Variants in RFX3 observed in about 807,000 individuals in gnomAD.
The protein encoded by RFX3 is transcription factor RFX3.
Under a neutral mutation model 98.6 loss-of-function variants are expected in RFX3, and 14 were observed. That is an observed-to-expected ratio of 0.14 (90% confidence interval 0.09 to 0.22). The LOEUF is 0.22. Ranked by LOEUF, RFX3 falls within the 10% of genes least tolerant of loss-of-function variation. RFX3 has a pLI of 1.00. For synonymous variants in RFX3, 383 were observed against 328.4 expected, an observed-to-expected ratio of 1.17 and a Z score of -1.80; for missense variants, 639 against 926.9, an observed-to-expected ratio of 0.69 and a Z score of 4.03.
intron 1 of RFX3, among the ~76,000 whole-genome samples, chr9:3,519,868 T>C (rs1473304362): frequency 6.6e-6 from 1 of 151,350 alleles, no homozygotes; most frequent in Non-Finnish European, 1.5e-5. Flanking sequence ...TTTGAAGCAA[T>C]ACAACTTGCT....
At chr9:3,357,730 G>C (rs1472607008) in intron 2 of RFX3, among the ~76,000 whole-genome samples, 1 of 151,964 alleles carries the variant, frequency 6.6e-6, no homozygotes, top group Non-Finnish European at 1.5e-5. Context: ...TTTCAAAATA[G>C]CTAGAAGAAT....
At chr9:3,342,490 A>G (rs1420677018) in intron 3 of RFX3, among the ~76,000 whole-genome samples, 7 of 152,300 alleles carry the variant, frequency 4.6e-5, no homozygotes, top group East Asian at 1.9e-4. Flanking sequence ...GATTATCTCT[A>G]AAGAGTGGGC....
rs1817207748 is a variant in RFX3 at position 3,218,977 on chromosome 9, T to C, written c.*6065A>G. ...ACCTAGAAGGTACGAAAGCCCTGAG[T>C]GATAGTGAAGTTACTGATTGGTAAG... is the stretch of plus-strand genomic sequence containing the variant. On this transcript the variant is annotated 3_prime_UTR_variant, in exon 17 of 17. Coordinates refer to ENST00000617270, the MANE Select transcript of RFX3 (RefSeq NM_001282116.2). The C allele has an allele frequency of 6.6e-6, 1 of 151,952 alleles. No individual in the cohort carries two copies. The highest frequency in any genetic ancestry group is 2.4e-5 in the African/African-American group (1 of 41,358). 9.4% of individuals were successfully genotyped at this position (151,952 alleles called of 1,614,324 possible). A position where few individuals can be genotyped will look rare whatever the true frequency, so the allele number is the denominator to read the frequency against.
At chr9:3,228,748 C>T (rs1818092505) in intron 16 of RFX3, 99 bp downstream of exon 16, 1 of 948,010 alleles carries the variant, frequency 1.1e-6, no homozygotes, top group Admixed American at 3.0e-5. Context: ...ATGCCACTTC[C>T]ACAAAATCAG....
intron 1 of RFX3, among the ~76,000 whole-genome samples, chr9:3,419,873 C>A (rs1267947132): frequency 6.6e-6 from 1 of 152,074 alleles, no homozygotes; most frequent in Non-Finnish European, 1.5e-5. Flanking sequence ...TATTTTCAAT[C>A]CATAATTGGT....
intron 1 of RFX3, among the ~76,000 whole-genome samples, chr9:3,424,033 G>A (rs966145080): frequency 6.6e-6 from 1 of 151,140 alleles, no homozygotes; most frequent in Admixed American, 6.6e-5. Flanking sequence ...TGTAGTCCCA[G>A]CTACTCGGGA....
At chr9:3,302,098 A>G (rs995278522) in intron 4 of RFX3, among the ~76,000 whole-genome samples, 2 of 151,910 alleles carry the variant, frequency 1.3e-5, no homozygotes, top group Non-Finnish European at 2.9e-5. Flanking sequence ...TCTTTCATTA[A>G]TGTCCAAAAG....
chr9:3,287,249 C>T (rs1296468194), intron 7 of RFX3, among the ~76,000 whole-genome samples: 1 of 151,940 alleles, frequency 6.6e-6, no homozygotes, highest in East Asian at 1.9e-4. Context: ...GTGGCCAAGG[C>T]AACTAATCAC....
chr9:3,410,064 C>T (rs962407840), intron 1 of RFX3, among the ~76,000 whole-genome samples: 3 of 151,908 alleles, frequency 2.0e-5, no homozygotes, highest in Non-Finnish European at 4.4e-5. Flanking sequence ...AGAATGCAAT[C>T]TTAAAATAAG....
chr9:3,345,807 A>G (rs961715271), intron 3 of RFX3, among the ~76,000 whole-genome samples: 1 of 152,226 alleles, frequency 6.6e-6, no homozygotes, highest in African/African-American at 2.4e-5. Context: ...AAAAACAAAA[A>G]AAGTCCTGCC....
intron 15 of RFX3, among the ~76,000 whole-genome samples, chr9:3,245,758 T>C (rs1340193866): frequency 6.6e-6 from 1 of 152,158 alleles, no homozygotes; most frequent in Non-Finnish European, 1.5e-5. Context: ...TGGTTGCTAT[T>C]ATTACTCATT....
At chr9:3,431,192 G>A (rs1844625935) in intron 1 of RFX3, among the ~76,000 whole-genome samples, 1 of 152,104 alleles carries the variant, frequency 6.6e-6, no homozygotes, top group East Asian at 1.9e-4. Flanking sequence ...CCAGTAAATT[G>A]TGTATCACAG....
At chr9:3,481,676 A>G (rs1849777216) in intron 1 of RFX3, among the ~76,000 whole-genome samples, 1 of 152,042 alleles carries the variant, frequency 6.6e-6, no homozygotes, top group Non-Finnish European at 1.5e-5. Flanking sequence ...TCCATATCCT[A>G]TAATATGAAG....
intron 2 of RFX3, among the ~76,000 whole-genome samples, chr9:3,390,374 T>G (rs1840179280): frequency 6.6e-6 from 1 of 152,080 alleles, no homozygotes; most frequent in Non-Finnish European, 1.5e-5. Context: ...TCAGAAGAAG[T>G]CAGAAAATTG....
intron 15 of RFX3, among the ~76,000 whole-genome samples, chr9:3,241,592 C>A (rs775411606): frequency 6.6e-6 from 1 of 152,058 alleles, no homozygotes; most frequent in Non-Finnish European, 1.5e-5. Context: ...AAATGGGACA[C>A]GGAGCCAATT....
At chr9:3,251,956 C>A (rs1284359681) in intron 14 of RFX3, among the ~76,000 whole-genome samples, 1 of 152,134 alleles carries the variant, frequency 6.6e-6, no homozygotes, top group Non-Finnish European at 1.5e-5. Flanking sequence ...TCAAGCGATT[C>A]TCCTGCCTCA....
chr9:3,383,204 G>T (rs1434610685), intron 2 of RFX3, among the ~76,000 whole-genome samples: 2 of 151,970 alleles, frequency 1.3e-5, no homozygotes, highest in African/African-American at 4.8e-5. Flanking sequence ...CATACTTAGA[G>T]TCTGAGTTTA....
intron 13 of RFX3, among the ~76,000 whole-genome samples, chr9:3,259,257 C>A (rs1586773821): frequency 6.6e-6 from 1 of 152,068 alleles, no homozygotes; most frequent in Non-Finnish European, 1.5e-5. Context: ...AATTCAAACT[C>A]ACTATTTACT....
chr9:3,489,302 A>G (rs995029451), intron 1 of RFX3: 14 of 250,562 alleles, frequency 5.6e-5, no homozygotes, highest in Non-Finnish European at 6.3e-5. Flanking sequence ...GTACTCACAG[A>G]CACTATGCCT....
Sources: allele counts gnomAD v4.1 joint callset (sites outside exome capture counted in the v4.1 genomes callset), GRCh38; gene constraint gnomAD v4.1.1; transcripts MANE v1.5; gene names NCBI Gene and HGNC (gene_info 2026-07-23, HGNC 2026-07-21).